Variants in RXFP2 observed in about 807,000 individuals in gnomAD.
RXFP2 encodes the protein relaxin receptor 2.
A neutral mutation model predicts 88.6 loss-of-function variants in RXFP2; 68 were observed. The ratio of observed to expected loss-of-function variants is 0.77; its 90% CI spans 0.63 to 0.94. The LOEUF is 0.94. RXFP2 is among the 40% of genes least tolerant of loss of function. The pLI, the probability that RXFP2 is intolerant of heterozygous loss-of-function variation, is 0.00. For synonymous variants in RXFP2, 329 were observed against 306.8 expected (o/e 1.07, Z -0.76); for missense variants, 791 against 893.9 (o/e 0.88, Z 1.47).
intron 5 of RXFP2, among the ~76,000 whole-genome samples, chr13:31,773,362 T>C (rs544249957): frequency 1.4e-4 from 22 of 152,276 alleles, no homozygotes; most frequent in African/African-American, 5.1e-4. Context: ...AAAATGACCG[T>C]ATTTGTAAAG....
intron 1 of RXFP2, among the ~76,000 whole-genome samples, chr13:31,746,767 T>TATACAGC (rs199792400): frequency 0.24 from 36,672 of 151,822 alleles, 4,627 homozygotes; most frequent in South Asian, 0.39. Context: ...GGCTAAAAAA[T>TATACAGC]AATATATCTA....
At chr13:31,741,015 CT>C (rs1871207883) in intron 1 of RXFP2, among the ~76,000 whole-genome samples, 1 of 151,976 alleles carries the variant, frequency 6.6e-6, no homozygotes, top group African/African-American at 2.4e-5. Context: ...TTAAAAAGTT[CT>C]TTAATGTACG....
At chr13:31,768,780 T>A (rs1872640103) in intron 5 of RXFP2, among the ~76,000 whole-genome samples, 1 of 152,114 alleles carries the variant, frequency 6.6e-6, no homozygotes, top group South Asian at 2.1e-4. Context: ...ATTCCTCAAC[T>A]CCTCCTGCTC....
At chr13:31,777,734 C>A (rs1270198027) in intron 8 of RXFP2, among the ~76,000 whole-genome samples, 1 of 152,118 alleles carries the variant, frequency 6.6e-6, no homozygotes, top group Non-Finnish European at 1.5e-5. Context: ...CAGTGGTTGA[C>A]CAAAGATAGT....
chr13:31,744,467 G>T (rs1011211578), intron 1 of RXFP2, among the ~76,000 whole-genome samples: 1 of 152,182 alleles, frequency 6.6e-6, no homozygotes, highest in African/African-American at 2.4e-5. Flanking sequence ...TCTAAAAAAT[G>T]TTATAAATTC....
intron 5 of RXFP2, among the ~76,000 whole-genome samples, chr13:31,770,861 C>G (rs1872710521): frequency 6.6e-6 from 1 of 152,132 alleles, no homozygotes; most frequent in African/African-American, 2.4e-5. Flanking sequence ...CGTAGCATAC[C>G]TAGTAAGAAA....
At chr13:31,784,276 T>A (rs1873423331) in intron 11 of RXFP2, among the ~76,000 whole-genome samples, 2 of 152,136 alleles carry the variant, frequency 1.3e-5, no homozygotes, top group Admixed American at 1.3e-4. Context: ...GCTATTAAGA[T>A]CTATAGTGAT....
In RXFP2 at chr13:31,764,947, A is replaced by T; in HGVS notation, c.320-90A>T. The T allele has an allele frequency of 2.3e-5, 17 of 750,726 alleles. No homozygotes were observed. The South Asian group carries it at 2.4e-4, about 11-fold the overall frequency. 46.5% of individuals were successfully genotyped at this position (750,726 alleles called of 1,614,324 possible). A position where few individuals can be genotyped will look rare whatever the true frequency, so the allele number is the denominator to read the frequency against. On this transcript the variant is annotated intron_variant, in intron 3 of 17. Coordinates refer to ENST00000298386, the MANE Select transcript of RXFP2 (RefSeq NM_130806.5). ...AACAGATGTAAATTTTATACATTCGATGAAAAGAAAACAATATCAGTTATT... is the reference window on the plus strand; with the variant it reads ...AACAGATGTAAATTTTATACATTCGTTGAAAAGAAAACAATATCAGTTATT...
At chr13:31,775,473 G>A (rs369566945) in intron 7 of RXFP2, 84 bp downstream of exon 7, 1 of 1,003,130 alleles carries the variant, frequency 1.0e-6, no homozygotes, top group South Asian at 1.3e-5. Context: ...TCCACTATTT[G>A]ACATATCTTA....
intron 1 of RXFP2, among the ~76,000 whole-genome samples, chr13:31,746,366 G>A (rs1053677205): frequency 1.3e-5 from 2 of 152,114 alleles, no homozygotes; most frequent in Admixed American, 1.3e-4. Context: ...TACTTGAAAC[G>A]GTGTTTTAAA....
chr13:31,758,893 A>T (rs1174899463), intron 2 of RXFP2, among the ~76,000 whole-genome samples: 2 of 151,912 alleles, frequency 1.3e-5, no homozygotes, highest in Non-Finnish European at 2.9e-5. Flanking sequence ...CAAAAAAATT[A>T]AAAAATTAGC....
At chr13:31,744,465 A>T (rs1470140075) in intron 1 of RXFP2, among the ~76,000 whole-genome samples, 1 of 152,242 alleles carries the variant, frequency 6.6e-6, no homozygotes, top group Non-Finnish European at 1.5e-5. Flanking sequence ...ATTCTAAAAA[A>T]TGTTATAAAT....
intron 1 of RXFP2, among the ~76,000 whole-genome samples, chr13:31,750,481 G>A (rs574078544): frequency 1.3e-5 from 2 of 152,148 alleles, no homozygotes; most frequent in Non-Finnish European, 2.9e-5. Flanking sequence ...CTTTTGACAG[G>A]TTTCTCTAAA....
At chr13:31,760,300 G>A (rs750195007) in intron 2 of RXFP2, among the ~76,000 whole-genome samples, 12 of 152,034 alleles carry the variant, frequency 7.9e-5, no homozygotes, top group East Asian at 1.9e-4. Flanking sequence ...CATGTTGGCC[G>A]GGCTGGTCTG....
chr13:31,754,574 C>A (rs1469631708), intron 1 of RXFP2, among the ~76,000 whole-genome samples: 3 of 152,084 alleles, frequency 2.0e-5, no homozygotes, highest in African/African-American at 2.4e-5. Flanking sequence ...TCATAATAAA[C>A]CCTGGAAGGA....
At chr13:31,756,705 T>A (rs1294039611) in intron 1 of RXFP2, among the ~76,000 whole-genome samples, 1 of 149,774 alleles carries the variant, frequency 6.7e-6, no homozygotes. Flanking sequence ...CGCTGCAACC[T>A]CTGCCCCCCA....
chr13:31,793,947 G>A (rs901167638), intron 16 of RXFP2, among the ~76,000 whole-genome samples: 1 of 152,002 alleles, frequency 6.6e-6, no homozygotes, highest in African/African-American at 2.4e-5. Context: ...ATCCCTTACT[G>A]GTCTCGTAAC....
intron 1 of RXFP2, among the ~76,000 whole-genome samples, chr13:31,747,013 A>G (rs1871450326): frequency 1.3e-5 from 2 of 152,280 alleles, no homozygotes; most frequent in South Asian, 4.2e-4. Flanking sequence ...CCCTTATTTG[A>G]AGCCATTTCC....
At chr13:31,793,152 C>A in intron 16 of RXFP2, 64 bp downstream of exon 16, 2 of 1,382,852 alleles carry the variant, frequency 1.4e-6, no homozygotes, top group Non-Finnish European at 2.0e-6. Context: ...TAAATTTCAG[C>A]AAAGGTGGAT....
Sources: gnomAD v4.1 joint callset for allele counts (sites outside exome capture counted in the v4.1 genomes callset) on GRCh38, gnomAD v4.1.1 for gene constraint, MANE v1.5 for transcripts, NCBI Gene and HGNC (gene_info 2026-07-23, HGNC 2026-07-21) for gene names.